TMEM223: variants seen among roughly 807,000 people sequenced by gnomAD.
The protein encoded by TMEM223 is transmembrane protein 223.
TMEM223 carries 14 observed loss-of-function variants against 14.1 expected under a neutral mutation model. The ratio of observed to expected loss-of-function variants is 0.99; its 90% confidence interval spans 0.66 to 1.55. The LOEUF (loss-of-function observed/expected upper bound fraction) is 1.55, where lower values mean the gene tolerates loss of function less well. Among genes scored for constraint, TMEM223 ranks in the 40% most tolerant of loss-of-function variants. TMEM223 has a pLI of 0.00. For synonymous variants in TMEM223, 145 were observed against 120.5 expected, an observed-to-expected ratio of 1.20 and a Z score of -1.33; for missense variants, 346 against 269.9, an observed-to-expected ratio of 1.28 and a Z score of -1.97.
intron 1 of TMEM223, among the ~76,000 whole-genome samples, chr11:62,775,202 C>G (rs1346506925): frequency 6.6e-6 from 1 of 152,044 alleles, no homozygotes; most frequent in Non-Finnish European, 1.5e-5. Context: ...GTGGCTGCAG[C>G]TAGGAGAAGT....
At chr11:62,791,576 C>G in intron 1 of TMEM223, 103 bp downstream of exon 1, 1 of 1,343,944 alleles carries the variant, frequency 7.4e-7, no homozygotes. Context: ...AAAGCCCGCC[C>G]GCCACTCTCG....
At position 62,777,956 on chromosome 11, in the gene TMEM223, C is replaced by T. The variant is rs745443831; in HGVS notation, c.315-3291G>A. 2.5e-6 allele frequency: 4 copies of T among 1,613,016 alleles called. No homozygotes were observed. The South Asian group carries it at 4.4e-5, about 18-fold the overall frequency. On this transcript the variant is annotated intron_variant, in intron 1 of 2. Transcript: ENST00000528367. Reference sequence around the variant, plus strand: ...GCTCCCTCCCTGGATTCAGGCTGCTCTCCAATTCCCTTTTTCCTCAGGCTG... The same window carrying T: ...GCTCCCTCCCTGGATTCAGGCTGCTTTCCAATTCCCTTTTTCCTCAGGCTG...
chr11:62,785,018 T>C (rs1351110846), downstream of TMEM223, among the ~76,000 whole-genome samples: 1 of 152,132 alleles, frequency 6.6e-6, no homozygotes. Context: ...TTTCTTTTTT[T>C]ATTTAATAGA....
downstream of TMEM223, chr11:62,782,553 G>T: frequency 7.7e-7 from 1 of 1,304,978 alleles, no homozygotes; most frequent in Non-Finnish European, 1.1e-6. Flanking sequence ...TCCTAGGCCA[G>T]TCACCCCTGG....
chr11:62,775,977 C>T, intron 1 of TMEM223: 1 of 1,563,214 alleles, frequency 6.4e-7, no homozygotes, highest in Non-Finnish European at 8.7e-7. Context: ...CTTGTTTCTG[C>T]CTTTTTACTA....
chr11:62,782,653 ATGCCT>A (rs772001580), downstream of TMEM223: 1 of 1,605,088 alleles, frequency 6.2e-7, no homozygotes, highest in East Asian at 2.2e-5. Context: ...GGGTGGCACC[ATGCCT>A]CATTCCCCTC....
In TMEM223 at chr11:62,781,820, C is replaced by G. The variant is rs754623407; in HGVS notation, c.315-7155G>C. The G allele has an allele frequency of 1.3e-4, 168 of 1,250,580 alleles. 2 individuals are homozygous for G. The highest frequency in any genetic ancestry group is 1.3e-3 in the Admixed American group (79 of 59,272). The allele number at this position is 1,250,580 out of a possible 1,614,324, so 77.5% of individuals were successfully genotyped here. ...AAACATGAATAAGGTGATACACTGT[C>G]TTCCAGAAGAATACCGCATTCATGT... On this transcript the variant is annotated intron_variant, in intron 1 of 2. Coordinates refer to the TMEM223 transcript ENST00000528367.
downstream of TMEM223, chr11:62,787,484 T>A (rs1276875283): frequency 7.2e-5 from 114 of 1,580,080 alleles, no homozygotes; most frequent in Non-Finnish European, 9.5e-5. Flanking sequence ...GCTGCCGCCT[T>A]CCTGTGCGGG....
At chr11:62,782,974 A>G, downstream of TMEM223, 1 of 1,211,024 alleles carries the variant, frequency 8.3e-7, no homozygotes, top group East Asian at 2.5e-5. Context: ...GTGATACTTG[A>G]CTTTCTGAAT....
At chr11:62,781,782 C>T (rs1221541802) in intron 1 of TMEM223, 2 of 919,842 alleles carry the variant, frequency 2.2e-6, no homozygotes, top group Non-Finnish European at 3.5e-6. Context: ...AGAATATGAA[C>T]ATTAAAATTG....
intron 1 of TMEM223, chr11:62,778,437 A>G (rs1295072584): frequency 2.2e-6 from 3 of 1,389,206 alleles, no homozygotes; most frequent in Non-Finnish European, 3.0e-6. Context: ...ACATGTGTTT[A>G]CCCATGCCTG....
chr11:62,788,973 A>G (rs778574561), downstream of TMEM223: 4 of 1,565,822 alleles, frequency 2.6e-6, no homozygotes, highest in Non-Finnish European at 1.7e-6. Context: ...AAGAGACTGT[A>G]TCTAGAGACA....
chr11:62,789,336 C>A (rs1270949590), downstream of TMEM223: 2 of 1,613,988 alleles, frequency 1.2e-6, no homozygotes, highest in East Asian at 4.5e-5. Context: ...TCAGCTATAG[C>A]CGTCTTCCTG....
intron 1 of TMEM223, chr11:62,782,099 T>G (rs777752289): frequency 1.6e-5 from 25 of 1,596,878 alleles, no homozygotes; most frequent in Non-Finnish European, 2.1e-5. Context: ...TAAGCTACCC[T>G]CTTCTCCCAA....
At chr11:62,790,954 TG>T in intron 1 of TMEM223, 39 bp from the exon 2 acceptor site, 1 of 1,494,304 alleles carries the variant, frequency 6.7e-7, no homozygotes, top group Non-Finnish European at 8.9e-7. Flanking sequence ...GGGTTTTCAC[TG>T]GGCATCTAAG....
At chr11:62,788,178 G>A (rs1490311028), downstream of TMEM223, among the ~76,000 whole-genome samples, 1 of 152,168 alleles carries the variant, frequency 6.6e-6, no homozygotes, top group South Asian at 2.1e-4. Context: ...TGAGGCAGGC[G>A]GATCACTTGA....
chr11:62,790,816 G>C lies in TMEM223; in HGVS notation c.416C>G (p.Ala139Gly). The C allele has an allele frequency of 1.2e-6, 2 of 1,605,570 alleles. No individual in the cohort carries two copies. Among genetic ancestry groups the C allele is most frequent in the East Asian group, 2.2e-5 (1 of 44,492 alleles). Residue 139 changes from alanine to glycine, a missense_variant, in exon 2 of 2, where the codon GCC (alanine) becomes GGC (glycine). Coordinates refer to ENST00000307366, the MANE Select transcript of TMEM223 (RefSeq NM_001080501.3). ...GGQQVTLTTH[A>G]PFGLGAHFTV... ...GAAATGGGCCCCCAAGCCAAAGGGG[G>C]CATGAGTGGTGAGGGTCACCTGCTG...
intron 1 of TMEM223, among the ~76,000 whole-genome samples, 168 bp downstream of exon 1, chr11:62,791,511 G>A (rs2084360665): frequency 6.6e-6 from 1 of 152,068 alleles, no homozygotes; most frequent in Admixed American, 6.5e-5. Flanking sequence ...CCCGCCTCCG[G>A]CCTCCCAGCA....
chr11:62,775,770 G>A, intron 1 of TMEM223: 1 of 1,600,742 alleles, frequency 6.2e-7, no homozygotes, highest in Non-Finnish European at 8.5e-7. Context: ...TCCACTCCCA[G>A]CTCCACTGGG....
Sources: gnomAD v4.1 joint callset for allele counts (sites outside exome capture counted in the v4.1 genomes callset) on GRCh38, gnomAD v4.1.1 for gene constraint, MANE v1.5 for transcripts, NCBI Gene and HGNC (gene_info 2026-07-23, HGNC 2026-07-21) for gene names.